SLC4A7: variants seen among roughly 807,000 people sequenced by gnomAD.
SLC4A7 encodes sodium bicarbonate cotransporter 3.
Under a neutral mutation model 137.6 loss-of-function variants are expected in SLC4A7, and 51 were observed. The observed-to-expected ratio is 0.37, with a 90% confidence interval of 0.30 to 0.47. The LOEUF (loss-of-function observed/expected upper bound fraction) is 0.47, where lower values mean the gene tolerates loss of function less well. Ranked by LOEUF, SLC4A7 falls within the 20% of genes least tolerant of loss-of-function variation. The pLI is 1.00. For synonymous variants in SLC4A7, 542 were observed against 518.6 expected (o/e 1.05, Z -0.61); for missense variants, 1,247 against 1,525.4 (o/e 0.82, Z 3.04).
intron 13 of SLC4A7, among the ~76,000 whole-genome samples, chr3:27,407,805 C>T (rs1232068151): frequency 1.3e-5 from 2 of 150,754 alleles, no homozygotes; most frequent in African/African-American, 4.9e-5. Context: ...ACACTTTTCC[C>T]CTCTCCTTCT....
intron 16 of SLC4A7, among the ~76,000 whole-genome samples, chr3:27,399,096 A>C (rs1291668319): frequency 6.6e-6 from 1 of 152,034 alleles, no homozygotes; most frequent in Non-Finnish European, 1.5e-5. Context: ...AATCTAATGA[A>C]GCTCATTTTA....
At position 27,464,032 on chromosome 3, in the gene SLC4A7, G is replaced by A. The variant is rs370458760; in HGVS notation, c.61-11534C>T. Among the ~76,000 whole-genome samples the A allele has an allele frequency of 7.2e-4, 109 of 152,156 alleles. 2 individuals carry two copies. The South Asian group carries it at 0.013, about 18-fold the overall frequency. Reference sequence around the variant, plus strand: ...AAACCCTGGTCTCTACCAAAAACACGAAAATTAACCAGGCGTGCCTGTTAT... The same window carrying A: ...AAACCCTGGTCTCTACCAAAAACACAAAAATTAACCAGGCGTGCCTGTTAT... On this transcript the variant is annotated intron_variant, in intron 1 of 25. Transcript: ENST00000454389.
chr3:27,386,104 A>G (rs2050916131), intron 22 of SLC4A7, 81 bp from the exon 23 acceptor site: 6 of 1,152,508 alleles, frequency 5.2e-6, no homozygotes, highest in Non-Finnish European at 7.3e-6. Flanking sequence ...TATTTATTAA[A>G]TCTTATAAAA....
At chr3:27,418,718 G>A in intron 10 of SLC4A7, 86 bp from the exon 11 acceptor site, 1 of 770,004 alleles carries the variant, frequency 1.3e-6, no homozygotes, top group Non-Finnish European at 2.1e-6. Flanking sequence ...ATCATAAATA[G>A]CTTCACAATA....
At chr3:27,464,338 C>A (rs574324566) in intron 1 of SLC4A7, among the ~76,000 whole-genome samples, 92 of 152,246 alleles carry the variant, frequency 6.0e-4, no homozygotes, top group Non-Finnish European at 1.1e-3. Context: ...TCTATTAATT[C>A]AATATAACAT....
intron 25 of SLC4A7, among the ~76,000 whole-genome samples, chr3:27,378,907 T>G (rs767108154): frequency 6.6e-6 from 1 of 152,180 alleles, no homozygotes; most frequent in Non-Finnish European, 1.5e-5. Context: ...CTCAGATTAT[T>G]ATTACTATTT....
At chr3:27,422,974 ATTCAT>A (rs1368004498) in intron 8 of SLC4A7, 4 of 312,448 alleles carry the variant, frequency 1.3e-5, no homozygotes, top group Admixed American at 7.7e-5. Flanking sequence ...ATATTAATTT[ATTCAT>A]TTAACAAGAA....
intron 2 of SLC4A7, among the ~76,000 whole-genome samples, chr3:27,451,154 G>C (rs992994798): frequency 1.1e-4 from 17 of 150,730 alleles, no homozygotes; most frequent in East Asian, 5.8e-4. Context: ...AAAAAAAATC[G>C]TTTAGAGTTT....
chr3:27,404,181 A>G (rs767668982), intron 14 of SLC4A7, among the ~76,000 whole-genome samples: 44 of 152,234 alleles, frequency 2.9e-4, no homozygotes, highest in Non-Finnish European at 4.6e-4. Context: ...CAGCCTGGCC[A>G]GCATGGTTAA....
At chr3:27,481,447 A>G (rs1393460173) in intron 1 of SLC4A7, among the ~76,000 whole-genome samples, 2 of 152,234 alleles carry the variant, frequency 1.3e-5, no homozygotes, top group Non-Finnish European at 2.9e-5. Flanking sequence ...TTTTATGAAT[A>G]TTAATTTGTT....
chr3:27,376,774 G>GTTT lies in SLC4A7; in HGVS notation c.3767_3769dup (p.Glu1256_Thr1257insLys). On this transcript the variant is annotated inframe_insertion, in exon 26 of 26. Transcript: ENST00000454389. The stretch of plus-strand genomic sequence containing the variant: ...CCTCTTGGTTCAATTCTATAATGAA[G>GTTT]TTTCAGCATCCACGTATTTCTTTCT... 6.3e-7 allele frequency: 1 copy of GTTT among 1,591,456 alleles called. No homozygotes were observed. The highest frequency in any genetic ancestry group is 8.6e-7 in the Non-Finnish European group (1 of 1,164,580).
At chr3:27,398,059 G>T in intron 17 of SLC4A7, 133 bp downstream of exon 17, 1 of 677,086 alleles carries the variant, frequency 1.5e-6, no homozygotes, top group South Asian at 2.2e-5. Context: ...TTTTCACTAC[G>T]AATAATTTCT....
At chr3:27,397,644 T>C (rs760417869) in intron 18 of SLC4A7, 40 bp downstream of exon 18, 5 of 923,454 alleles carry the variant, frequency 5.4e-6, no homozygotes, top group Admixed American at 1.8e-5. Context: ...AGTAGTGTGG[T>C]ATTCCCAAGT....
At chr3:27,423,005 G>A (rs967585420) in intron 8 of SLC4A7, among the ~76,000 whole-genome samples, 1 of 152,170 alleles carries the variant, frequency 6.6e-6, no homozygotes, top group Non-Finnish European at 1.5e-5. Flanking sequence ...TTGCAATTTT[G>A]TTACTAAGTA....
At chr3:27,434,192 T>G in intron 5 of SLC4A7, 88 bp from the exon 6 acceptor site, 1 of 883,516 alleles carries the variant, frequency 1.1e-6, no homozygotes, top group Non-Finnish European at 1.7e-6. Flanking sequence ...ATGACAAAAA[T>G]TAGAACCTTA....
chr3:27,468,335 A>C (rs1264608895), intron 1 of SLC4A7, among the ~76,000 whole-genome samples: 2 of 152,252 alleles, frequency 1.3e-5, no homozygotes, highest in Non-Finnish European at 2.9e-5. Context: ...ATATTAGGAT[A>C]AAATTAAGAC....
intron 2 of SLC4A7, among the ~76,000 whole-genome samples, chr3:27,449,923 A>T (rs2057951709): frequency 1.3e-5 from 2 of 152,226 alleles, no homozygotes; most frequent in Non-Finnish European, 2.9e-5. Context: ...TTGAAAGTAC[A>T]GTTGATCCTC....
intron 11 of SLC4A7, among the ~76,000 whole-genome samples, chr3:27,413,067 C>T (rs73046194): frequency 0.21 from 32,465 of 151,990 alleles, 3,546 homozygotes; most frequent in Non-Finnish European, 0.25. Context: ...AATAGACCTT[C>T]AGCTAATAAC....
At chr3:27,478,102 CAG>C (rs1254558361) in intron 1 of SLC4A7, among the ~76,000 whole-genome samples, 1 of 151,890 alleles carries the variant, frequency 6.6e-6, no homozygotes, top group Non-Finnish European at 1.5e-5. Context: ...TCCTGGAATC[CAG>C]AGAGAGGGAG....
Sources: gnomAD v4.1 joint callset for allele counts (sites outside exome capture counted in the v4.1 genomes callset) on GRCh38, gnomAD v4.1.1 for gene constraint, MANE v1.5 for transcripts, NCBI Gene and HGNC (gene_info 2026-07-23, HGNC 2026-07-21) for gene names.